Variants in FGD5 observed in about 807,000 individuals in gnomAD.
The protein encoded by FGD5 is FYVE, RhoGEF and PH domain containing 5, also known as FYVE, RhoGEF and PH domain-containing protein 5.
Under a neutral mutation model 133.4 loss-of-function variants are expected in FGD5, and 28 were observed. The observed-to-expected ratio is 0.21, with a 90% CI of 0.16 to 0.29. The LOEUF (loss-of-function observed/expected upper bound fraction) is 0.29. FGD5 is among the 10% of genes least tolerant of loss of function. The pLI, the probability that FGD5 is intolerant of heterozygous loss-of-function variation, is 1.00. For missense variants in FGD5, 1,858 were observed against 1,895.2 expected (o/e 0.98, Z 0.36); for synonymous variants, 810 against 776.5 (o/e 1.04, Z -0.72).
chr3:14,837,954 C>T (rs1015399629), intron 1 of FGD5, among the ~76,000 whole-genome samples: 2 of 152,182 alleles, frequency 1.3e-5, no homozygotes, highest in East Asian at 3.9e-4. Flanking sequence ...AAGACAACAT[C>T]TGTTTTTCAT....
At chr3:14,931,816 A>G (rs1399602400) in intron 18 of FGD5, 1 of 152,226 alleles carries the variant, frequency 6.6e-6, no homozygotes, top group Non-Finnish European at 1.5e-5. Flanking sequence ...TGTGATCAGA[A>G]GTAACTGCAA....
intron 1 of FGD5, among the ~76,000 whole-genome samples, chr3:14,840,863 T>A (rs955151827): frequency 6.6e-6 from 1 of 152,216 alleles, no homozygotes; most frequent in Non-Finnish European, 1.5e-5. Context: ...GTGCACAAGA[T>A]CTCTTGCTTA....
chr3:14,933,874 A>G lies in FGD5; in HGVS notation c.*707A>G, dbSNP rs1004730885. ...TCCTCCAGTCGACCTTGTGACCTGT[A>G]TACTAACATAACTTATTAAAGGAGG... On this transcript the variant is annotated 3_prime_UTR_variant, in exon 20 of 20. Coordinates refer to ENST00000285046, the MANE Select transcript of FGD5 (RefSeq NM_152536.4). The G allele has an allele frequency of 5.2e-5, 8 of 152,648 alleles. No homozygotes were observed. The highest frequency in any genetic ancestry group is 1.9e-4 in the African/African-American group (8 of 41,468). 9.5% of individuals were successfully genotyped at this position (152,648 alleles called of 1,614,324 possible).
intron 4 of FGD5, among the ~76,000 whole-genome samples, chr3:14,882,762 T>G (rs1376211397): frequency 6.6e-6 from 1 of 151,486 alleles, no homozygotes; most frequent in Admixed American, 6.6e-5. Flanking sequence ...TGGAGCTGTA[T>G]TTTAACATAT....
At position 14,910,241 on chromosome 3, in the gene FGD5, A is replaced by G. The variant is rs754061022; in HGVS notation, c.3337-620A>G. Among the ~76,000 whole-genome samples, 54 of 152,180 alleles carry G rather than the reference A, an allele frequency of 3.5e-4. 2 individuals carry two copies. Among genetic ancestry groups the G allele is most frequent in the Admixed American group, 2.6e-4 (4 of 15,282 alleles). ...TTGCCAGGTTTCCAGGTGTTCCTCA[A>G]TCCAGTCAAGTTGATGCCTAAAAAT... On this transcript the variant is annotated intron_variant, in intron 10 of 19. Coordinates refer to ENST00000285046, the MANE Select transcript of FGD5 (RefSeq NM_152536.4).
chr3:14,918,859 C>CG (rs2038615728), intron 13 of FGD5, 26 bp downstream of exon 13: 2 of 1,611,472 alleles, frequency 1.2e-6, no homozygotes, highest in Non-Finnish European at 1.7e-6. Context: ...GGGAGGATGG[C>CG]GCACAAGGCA....
rs2038714356 is a variant in FGD5 at position 14,922,918 on chromosome 3, C to G, written c.3808-128C>G. On this transcript the variant is annotated intron_variant, in intron 15 of 19. Transcript: ENST00000285046. The surrounding 1 kb of genome is among the most constrained non-coding windows in gnomAD (Gnocchi z 4.1). ...GGAAAAGTAGGGGACACGCACAGCT[C>G]CATGATCAGAACCTGGGGCTCCCTA... 1 of 1,336,286 alleles carries G rather than the reference C, an allele frequency of 7.5e-7. No individual in the cohort carries two copies. Among genetic ancestry groups the G allele is most frequent in the African/African-American group, 1.4e-5 (1 of 69,470 alleles). 82.8% of individuals were successfully genotyped at this position (1,336,286 alleles called of 1,614,324 possible).
At chr3:14,863,108 C>T (rs1575215553) in intron 1 of FGD5, among the ~76,000 whole-genome samples, 1 of 152,238 alleles carries the variant, frequency 6.6e-6, no homozygotes, top group Non-Finnish European at 1.5e-5. Context: ...GAAGTGGCTG[C>T]TCCCTTCCGT....
chr3:14,840,926 T>G (rs934312804), intron 1 of FGD5, among the ~76,000 whole-genome samples: 10 of 152,200 alleles, frequency 6.6e-5, no homozygotes, highest in Non-Finnish European at 1.3e-4. Flanking sequence ...ACTTACTAAA[T>G]TAATAAAAGT....
At chr3:14,850,919 G>A (rs2037150018) in intron 1 of FGD5, among the ~76,000 whole-genome samples, 1 of 152,164 alleles carries the variant, frequency 6.6e-6, no homozygotes, top group Non-Finnish European at 1.5e-5. Flanking sequence ...AGTTGGTTTG[G>A]CTGTGTAGGC....
chr3:14,866,530 C>T (rs2037496640), intron 2 of FGD5, among the ~76,000 whole-genome samples: 1 of 152,068 alleles, frequency 6.6e-6, no homozygotes, highest in Admixed American at 6.5e-5. Context: ...TCAGCTTTGT[C>T]CCTTGCTGGC....
intron 1 of FGD5, among the ~76,000 whole-genome samples, chr3:14,813,059 T>G (rs1445449222): frequency 6.6e-6 from 1 of 152,196 alleles, no homozygotes. Context: ...AAACCCAGGC[T>G]GTCCAGCCTG....
intron 2 of FGD5, among the ~76,000 whole-genome samples, chr3:14,876,277 C>T (rs2037717794): frequency 6.6e-6 from 1 of 152,206 alleles, no homozygotes; most frequent in Admixed American, 6.5e-5. Flanking sequence ...GCTTTTCCAT[C>T]CACAACCCTT....
intron 9 of FGD5, among the ~76,000 whole-genome samples, chr3:14,904,505 G>GGTGGGTGT (rs1553630567): frequency 2.0e-5 from 3 of 150,848 alleles, no homozygotes; most frequent in African/African-American, 7.3e-5. Flanking sequence ...TAGATTTCAG[G>GGTGGGTGT]GTGTGTGTGT....
At chr3:14,829,415 C>G (rs999212535) in intron 1 of FGD5, among the ~76,000 whole-genome samples, 8 of 152,160 alleles carry the variant, frequency 5.3e-5, no homozygotes, top group African/African-American at 1.7e-4. Flanking sequence ...CTGGGAGATT[C>G]GTGAAGAGAT....
At chr3:14,823,350 G>A (rs971156683) in intron 1 of FGD5, among the ~76,000 whole-genome samples, 1 of 152,118 alleles carries the variant, frequency 6.6e-6, no homozygotes, top group Non-Finnish European at 1.5e-5. Flanking sequence ...TGCCTCATCG[G>A]GTGCTGGGTA....
intron 18 of FGD5, chr3:14,930,820 T>C (rs1289710252): frequency 6.6e-6 from 1 of 152,198 alleles, no homozygotes; most frequent in Non-Finnish European, 1.5e-5. Flanking sequence ...AGACATCTTA[T>C]ACTTCTATTA....
chr3:14,880,783 C>G lies in FGD5; in HGVS notation c.2748+11C>G. ...CAGCACTTAAATCTGGTGAGTTAAT[C>G]ATTTTAATTGTCCAAAACTAATTGC... On this transcript the variant is annotated intron_variant, in intron 4 of 19. Coordinates refer to ENST00000285046, the MANE Select transcript of FGD5 (RefSeq NM_152536.4). 1 of 1,613,116 alleles carries G rather than the reference C, an allele frequency of 6.2e-7. No homozygotes were observed. Among genetic ancestry groups the G allele is most frequent in the African/African-American group, 1.3e-5 (1 of 75,032 alleles).
rs1294051371 is a variant in FGD5, at chr3:14,917,563, C to T, written c.3489+231C>T. ...ACCCTTAGAGTGGATAATATTTGGT[C>T]GGATCAGGAAGGAAGGGAAGGAGGG... is the stretch of plus-strand genomic sequence containing the variant. On this transcript the variant is annotated intron_variant, in intron 12 of 19. Coordinates refer to ENST00000285046, the MANE Select transcript of FGD5 (RefSeq NM_152536.4). The surrounding 1 kb of genome is among the most constrained non-coding windows in gnomAD (Gnocchi z 4.1). Among the ~76,000 whole-genome samples the T allele has an allele frequency of 3.3e-5, 5 of 151,526 alleles. No homozygotes were observed. Among genetic ancestry groups the T allele is most frequent in the Non-Finnish European group, 7.4e-5 (5 of 67,936 alleles).
Sources: allele counts gnomAD v4.1 joint callset (sites outside exome capture counted in the v4.1 genomes callset), GRCh38; gene constraint gnomAD v4.1.1; non-coding constraint Gnocchi (gnomAD v3.1); transcripts MANE v1.5; gene names NCBI Gene and HGNC (gene_info 2026-07-23, HGNC 2026-07-21).